The following BTF3L4 variants were observed in gnomAD, a reference collection of about 807,000 sequenced individuals.
The protein encoded by BTF3L4 is transcription factor BTF3 homolog 4.
In BTF3L4, 6 loss-of-function variants were observed where a neutral mutation model predicts 16.8. That is an observed-to-expected ratio of 0.36 (90% CI 0.20 to 0.71). BTF3L4 has a LOEUF of 0.71. BTF3L4 is among the 30% of genes least tolerant of loss of function. The probability of loss-of-function intolerance (pLI) is 0.58; values close to 1 mark genes in which losing one functional copy is unlikely to be tolerated. For missense variants in BTF3L4, 92 were observed against 186.9 expected (o/e 0.49, Z 2.96); for synonymous variants, 39 against 59.8 (o/e 0.65, Z 1.60).
intron 1 of BTF3L4, among the ~76,000 whole-genome samples, chr1:52,056,609 G>A (rs1686363325): frequency 2.0e-5 from 3 of 152,256 alleles, no homozygotes; most frequent in South Asian, 2.1e-4. Flanking sequence ...GAGCGAGCGG[G>A]CCCGCCCTGT....
Position 52,059,847 on chromosome 1 carries a change from C to T in BTF3L4, c.-1C>T. The stretch of plus-strand genomic sequence containing the variant: ...TTTCCCCCCCTAGATTTACCAACAG[C>T]ATGAATCAAGAAAAGTTAGCCAAAC... On this transcript the variant is annotated 5_prime_UTR_variant, in exon 2 of 6. Transcript: ENST00000313334. 6.2e-7 allele frequency: 1 copy of T among 1,613,440 alleles called. No homozygotes were observed. The highest frequency in any genetic ancestry group is 8.5e-7 in the Non-Finnish European group (1 of 1,179,648).
At chr1:52,076,244 C>G (rs976982249) in intron 3 of BTF3L4, among the ~76,000 whole-genome samples, 23 of 151,936 alleles carry the variant, frequency 1.5e-4, no homozygotes, top group African/African-American at 5.6e-4. Flanking sequence ...CCACTGCATT[C>G]CAGCCTGGGT....
chr1:52,084,529 CT>C (rs1483720837), intron 4 of BTF3L4, among the ~76,000 whole-genome samples: 1 of 152,020 alleles, frequency 6.6e-6, no homozygotes, highest in Non-Finnish European at 1.5e-5. Flanking sequence ...CAGTGGCTCA[CT>C]CCTGTAATAC....
At chr1:52,073,657 A>G (rs1390563282) in intron 3 of BTF3L4, among the ~76,000 whole-genome samples, 1 of 125,326 alleles carries the variant, frequency 8.0e-6, no homozygotes, top group African/African-American at 2.8e-5. Context: ...GTTTGAGACC[A>G]GCCTAGGTAA....
At chr1:52,074,004 G>GA (rs1192475171) in intron 3 of BTF3L4, among the ~76,000 whole-genome samples, 1 of 151,404 alleles carries the variant, frequency 6.6e-6, no homozygotes, top group Non-Finnish European at 1.5e-5. Context: ...CTCAAAAAAA[G>GA]AAAAAAATGT....
chr1:52,075,170 T>C (rs1365428044), intron 3 of BTF3L4, among the ~76,000 whole-genome samples: 1 of 152,206 alleles, frequency 6.6e-6, no homozygotes, highest in Non-Finnish European at 1.5e-5. Flanking sequence ...GGATATACTG[T>C]ACTGTAATTT....
chr1:52,068,561 G>C (rs770129117), intron 3 of BTF3L4, among the ~76,000 whole-genome samples: 4 of 152,110 alleles, frequency 2.6e-5, no homozygotes, highest in African/African-American at 7.2e-5. Context: ...TAGAATTCCA[G>C]GTTTGAACTA....
Position 52,064,829 on chromosome 1 carries a change from C to T in BTF3L4, c.59C>T (p.Thr20Ile). 6.2e-7 allele frequency: 1 copy of T among 1,606,434 alleles called. No homozygotes were observed. The highest frequency in any genetic ancestry group is 2.2e-5 in the East Asian group (1 of 44,710). ...QAQVRIGGKG[T>I]ARRKKKVVHR... ...TTCTGTTTGGTTATTTTTCAGGGTA[C>T]AGCTCGCAGAAAGAAGAAGGTGGTA... The change falls in exon 3 of 6, where the codon ACA becomes ATA. Residue 20 changes from threonine to isoleucine, a missense_variant. Coordinates refer to ENST00000313334, the MANE Select transcript of BTF3L4 (RefSeq NM_152265.5).
chr1:52,087,009 G>A lies in BTF3L4; in HGVS notation c.*251G>A, dbSNP rs1643978356. ...GAGGGTGTTTTGGTTTTTGATTCCT[G>A]GTTTTTTTGTTTTTTGTTTGGGGTA... On this transcript the variant is annotated 3_prime_UTR_variant, in exon 6 of 6. Transcript: ENST00000313334. 2.7e-6 allele frequency: 1 copy of A among 372,700 alleles called. No individual in the cohort carries two copies. The highest frequency in any genetic ancestry group is 2.1e-5 in the African/African-American group (1 of 47,244). 23.1% of individuals were successfully genotyped at this position (372,700 alleles called of 1,614,324 possible).
At chr1:52,086,247 T>A in intron 5 of BTF3L4, 76 bp downstream of exon 5, 2 of 1,136,754 alleles carry the variant, frequency 1.8e-6, no homozygotes, top group South Asian at 1.4e-5. Flanking sequence ...AGATAACTTT[T>A]AGGTTTGTGT....
At chr1:52,085,117 T>C (rs1643959892) in intron 4 of BTF3L4, among the ~76,000 whole-genome samples, 1 of 135,808 alleles carries the variant, frequency 7.4e-6, no homozygotes, top group Admixed American at 8.4e-5. Flanking sequence ...ACCTGCCGGG[T>C]ACAAGCAATT....
chr1:52,084,762 A>C (rs993943634), intron 4 of BTF3L4, among the ~76,000 whole-genome samples: 1 of 57,320 alleles, frequency 1.7e-5, no homozygotes, highest in African/African-American at 6.7e-5. Context: ...CTGTACTTCA[A>C]CCTGGGTGAC....
At chr1:52,064,297 A>G (rs1558004835) in intron 2 of BTF3L4, among the ~76,000 whole-genome samples, 3 of 152,006 alleles carry the variant, frequency 2.0e-5, no homozygotes, top group Admixed American at 6.6e-5. Context: ...GCTGTGCTCT[A>G]GTTTTGCTTT....
chr1:52,070,566 A>AAC (rs1686762564), intron 3 of BTF3L4, among the ~76,000 whole-genome samples: 1 of 150,344 alleles, frequency 6.7e-6, no homozygotes, highest in Non-Finnish European at 1.5e-5. Context: ...TCAAAAAAAA[A>AAC]AAAAACAAAA....
At chr1:52,062,659 A>G (rs1175514853) in intron 2 of BTF3L4, among the ~76,000 whole-genome samples, 1 of 152,172 alleles carries the variant, frequency 6.6e-6, no homozygotes, top group Non-Finnish European at 1.5e-5. Context: ...TAAGAAGGAA[A>G]TGACTGCCAT....
At chr1:52,083,078 C>T (rs1643940039) in intron 3 of BTF3L4, among the ~76,000 whole-genome samples, 1 of 152,106 alleles carries the variant, frequency 6.6e-6, no homozygotes, top group Non-Finnish European at 1.5e-5. Context: ...GTACTTCCTT[C>T]TCTTAGAAGT....
chr1:52,071,245 G>A (rs554424142), intron 3 of BTF3L4: 2 of 152,292 alleles, frequency 1.3e-5, no homozygotes, highest in East Asian at 3.9e-4. Context: ...GCTTCATAGA[G>A]TTTTATAATA....
intron 3 of BTF3L4, among the ~76,000 whole-genome samples, chr1:52,078,570 C>G (rs1686989970): frequency 6.6e-6 from 1 of 152,032 alleles, no homozygotes; most frequent in Non-Finnish European, 1.5e-5. Context: ...AGTGCATAAA[C>G]CACCTTAAGT....
intron 3 of BTF3L4, among the ~76,000 whole-genome samples, chr1:52,078,780 A>G (rs1011242804): frequency 6.6e-6 from 1 of 152,160 alleles, no homozygotes. Context: ...TGTGGTTTGG[A>G]CTGGGGTCTC....
Sources: gnomAD v4.1 joint callset for allele counts (sites outside exome capture counted in the v4.1 genomes callset) on GRCh38, gnomAD v4.1.1 for gene constraint, MANE v1.5 for transcripts, NCBI Gene and HGNC (gene_info 2026-07-23, HGNC 2026-07-21) for gene names.